Variants in RYR2 observed in about 807,000 individuals in gnomAD.
RYR2 encodes ryanodine receptor 2.
Under a neutral mutation model 601.1 loss-of-function variants are expected in RYR2, and 227 were observed. The ratio of observed to expected loss-of-function variants is 0.38; its 90% confidence interval spans 0.34 to 0.42. The LOEUF is 0.42. Ranked by LOEUF, RYR2 falls within the 10% of genes least tolerant of loss-of-function variation. The pLI, the probability that RYR2 is intolerant of heterozygous loss-of-function variation, is 1.00. For synonymous variants in RYR2, 2,223 were observed against 2,175.1 expected, an observed-to-expected ratio of 1.02 and a Z score of -0.61; for missense variants, 4,646 against 6,156.5, an observed-to-expected ratio of 0.75 and a Z score of 8.21.
rs373148638 is a variant in RYR2, at chr1:237,441,467, G to C, written c.1154G>C (p.Gly385Ala). ...QSVDVKSVRMGSIQRKAIMHH... is the reference protein window; with the variant it reads ...QSVDVKSVRMASIQRKAIMHH... ...GTGGACGTGAAATCCGTGAGAATGGGATCTATACAACGTAAGGTAAGGTGA... is the reference window on the plus strand; with the variant it reads ...GTGGACGTGAAATCCGTGAGAATGGCATCTATACAACGTAAGGTAAGGTGA... The change falls in exon 13 of 105, where the codon GGA becomes GCA. Residue 385 changes from glycine (G) to alanine (A), a missense_variant. By Grantham distance (60) the Gly-to-Ala change is moderately conservative. Coordinates refer to ENST00000366574, the MANE Select transcript of RYR2 (RefSeq NM_001035.3). 2.1e-5 allele frequency: 33 copies of C among 1,583,738 alleles called. No individual in the cohort carries two copies. Among genetic ancestry groups the C allele is most frequent in the Middle Eastern group, 3.4e-4 (2 of 5,958 alleles).
rs1480859794 is a variant in RYR2 at position 237,610,160 on chromosome 1, A to G, written c.4684-602A>G. Among the ~76,000 whole-genome samples, 1 of 152,254 alleles carries G rather than the reference A, an allele frequency of 6.6e-6. No individual in the cohort carries two copies. The highest frequency in any genetic ancestry group is 1.5e-5 in the Non-Finnish European group (1 of 68,046). ...CAAAGCAGAGACCTCTCTTTCTTTG[A>G]CACCAGACAGAAAGAATTAAGGATG... On this transcript the variant is annotated intron_variant, in intron 35 of 104. Transcript: ENST00000366574. This position sits in a 1 kb window ranked among gnomAD's most constrained non-coding sequence, Gnocchi z 4.9.
At chr1:237,820,072 A>T (rs554193431) in intron 101 of RYR2, among the ~76,000 whole-genome samples, 1 of 151,616 alleles carries the variant, frequency 6.6e-6, no homozygotes, top group South Asian at 2.1e-4. Flanking sequence ...CTATAATCCC[A>T]GCTACTCAGG....
rs56317247 is a variant in RYR2, at chr1:237,408,407, A to AT, written c.774-8642_774-8641insT. On this transcript the variant is annotated intron_variant, in intron 10 of 104. Transcript: ENST00000366574. ...TCTAGATTCTTTATATATATATATA[A>AT]ATGGATATCCAGTCTTTTCAGTACT... 7.3e-3 allele frequency among the ~76,000 whole-genome samples: 967 copies of AT among 132,874 alleles called. 61 individuals carry two copies. The highest frequency in any genetic ancestry group is 9.2e-3 in the Non-Finnish European group (583 of 63,612). 87.2% of individuals were successfully genotyped at this position (132,874 alleles called of 152,430 possible).
chr1:237,671,776 C>T (rs1206793937), intron 58 of RYR2, among the ~76,000 whole-genome samples: 3 of 151,866 alleles, frequency 2.0e-5, no homozygotes, highest in African/African-American at 7.3e-5. Context: ...AATCAGATGC[C>T]ATAAGGAGTT....
intron 35 of RYR2, among the ~76,000 whole-genome samples, chr1:237,609,585 G>T (rs1183387566): frequency 6.6e-6 from 1 of 151,910 alleles, no homozygotes; most frequent in African/African-American, 2.4e-5. Flanking sequence ...GGCTGGTCTT[G>T]TACTCCTGAC....
intron 73 of RYR2, among the ~76,000 whole-genome samples, chr1:237,720,407 C>T (rs1460650440): frequency 3.3e-5 from 5 of 152,132 alleles, no homozygotes; most frequent in Non-Finnish European, 7.3e-5. Flanking sequence ...CACAAGTATT[C>T]ATTCAGAGCA....
intron 24 of RYR2, among the ~76,000 whole-genome samples, chr1:237,527,499 A>G (rs960783317): frequency 6.6e-6 from 1 of 152,012 alleles, no homozygotes; most frequent in Non-Finnish European, 1.5e-5. Context: ...TTTACCCTTA[A>G]CCTATAGTAC....
At chr1:237,782,084 C>A (rs1397800221) in intron 89 of RYR2, among the ~76,000 whole-genome samples, 1 of 152,090 alleles carries the variant, frequency 6.6e-6, no homozygotes, top group Non-Finnish European at 1.5e-5. Flanking sequence ...GCCTCTGTCC[C>A]CCAGGGCAGC....
intron 20 of RYR2, among the ~76,000 whole-genome samples, chr1:237,500,125 T>A (rs955928816): frequency 1.3e-5 from 2 of 152,198 alleles, no homozygotes; most frequent in Non-Finnish European, 2.9e-5. Flanking sequence ...CAGGAATGAA[T>A]GATCATATTT....
chr1:237,753,737 G>C (rs1692720729), intron 80 of RYR2, among the ~76,000 whole-genome samples: 1 of 152,164 alleles, frequency 6.6e-6, no homozygotes, highest in Non-Finnish European at 1.5e-5. Context: ...GGCAGTTTAA[G>C]CAGAAGCTGC....
At chr1:237,494,970 T>C (rs1016086648) in intron 19 of RYR2, among the ~76,000 whole-genome samples, 2 of 152,166 alleles carry the variant, frequency 1.3e-5, no homozygotes, top group East Asian at 3.9e-4. Context: ...TTTGTATTTT[T>C]AGTAGAGACG....
At position 237,511,702 on chromosome 1, in the gene RYR2, C is replaced by G. The variant is rs1665914586; in HGVS notation, c.2733C>G (p.Asn911Lys). ...TCCTGTTTCAGGTTAGAGATGACAA[C>G]AAGAGACAACACCCATGCCTGGTGG... ...GWQYGPVRDDNKRQHPCLVEF... is the reference protein window; with the variant it reads ...GWQYGPVRDDKKRQHPCLVEF... The change falls in exon 24 of 105, where the codon AAC (asparagine) becomes AAG (lysine). Residue 911 changes from asparagine (N) to lysine (K), a missense_variant. By Grantham distance (94) the Asn-to-Lys change is moderately conservative. Transcript: ENST00000366574. 1 of 1,569,464 alleles carries G rather than the reference C, an allele frequency of 6.4e-7. No individual in the cohort carries two copies. The highest frequency in any genetic ancestry group is 1.9e-5 in the Admixed American group (1 of 53,600).
chr1:237,468,842 G>A (rs1660369829), intron 16 of RYR2, among the ~76,000 whole-genome samples: 1 of 152,164 alleles, frequency 6.6e-6, no homozygotes, highest in Non-Finnish European at 1.5e-5. Context: ...ACCTCCCAAT[G>A]TGAAATTCAC....
intron 2 of RYR2, among the ~76,000 whole-genome samples, chr1:237,293,016 G>A (rs540631048): frequency 3.2e-4 from 49 of 151,302 alleles, no homozygotes; most frequent in African/African-American, 1.2e-3. Context: ...TCTCCTCTCA[G>A]ACACCACTCA....
At chr1:237,461,009 G>A (rs1659417483) in intron 16 of RYR2, among the ~76,000 whole-genome samples, 1 of 152,056 alleles carries the variant, frequency 6.6e-6, no homozygotes, top group South Asian at 2.1e-4. Context: ...TTTCAAAGAT[G>A]TCCTAGAAAA....
At chr1:237,434,364 G>T (rs1371303391) in intron 12 of RYR2, among the ~76,000 whole-genome samples, 1 of 151,962 alleles carries the variant, frequency 6.6e-6, no homozygotes, top group Non-Finnish European at 1.5e-5. Flanking sequence ...TATATATTCA[G>T]AAAAAAACTG....
chr1:237,213,453 C>T (rs996077504), intron 1 of RYR2, among the ~76,000 whole-genome samples: 1 of 152,194 alleles, frequency 6.6e-6, no homozygotes, highest in African/African-American at 2.4e-5. Context: ...GCTGGGATTA[C>T]AGGTGTGAGC....
At chr1:237,473,822 C>T (rs934368937) in intron 17 of RYR2, among the ~76,000 whole-genome samples, 16 of 151,288 alleles carry the variant, frequency 1.1e-4, no homozygotes, top group Non-Finnish European at 1.9e-4. Flanking sequence ...AGGACTCAAC[C>T]GACGGAGATA....
At position 237,417,115 on chromosome 1, in the gene RYR2, A is replaced by G. The variant is rs1473940228; in HGVS notation, c.840A>G (p.Leu280=). Residue 280 remains leucine (L), a synonymous_variant, in exon 11 of 105, where the codon CTA becomes CTG. Coordinates refer to ENST00000366574, the MANE Select transcript of RYR2 (RefSeq NM_001035.3). The stretch of plus-strand genomic sequence containing the variant: ...GTTCCCTTTGGAGACTAGAGACGCT[A>G]AGAGTTGCGTAAGTAGAACTTCTAA... ...HARSLWRLET[L]RVAWSGSHIR... The G allele has an allele frequency of 6.2e-7, 1 of 1,613,182 alleles. No individual in the cohort carries two copies. The highest frequency in any genetic ancestry group is 8.5e-7 in the Non-Finnish European group (1 of 1,179,182).
Sources: allele counts gnomAD v4.1 joint callset (sites outside exome capture counted in the v4.1 genomes callset), GRCh38; gene constraint gnomAD v4.1.1; non-coding constraint Gnocchi (gnomAD v3.1); transcripts MANE v1.5; gene names NCBI Gene and HGNC (gene_info 2026-07-23, HGNC 2026-07-21).